The following ALG1L2 variants were observed in gnomAD, a reference collection of about 807,000 sequenced individuals.
The protein encoded by ALG1L2 is putative glycosyltransferase ALG1L2.
In ALG1L2, 32 loss-of-function variants were observed where a neutral mutation model predicts 29.0. The observed-to-expected ratio is 1.10, with a 90% CI of 0.83 to 1.48. The LOEUF (loss-of-function observed/expected upper bound fraction) is 1.48. Ranked by LOEUF, ALG1L2 falls within the 40% of genes most tolerant of loss-of-function variation. ALG1L2 has a pLI of 0.00. For synonymous variants in ALG1L2, 110 were observed against 109.5 expected, an observed-to-expected ratio of 1.00 and a Z score of -0.03; for missense variants, 318 against 274.1, an observed-to-expected ratio of 1.16 and a Z score of -1.13.
intron 2 of ALG1L2, 124 bp from the exon 3 acceptor site, chr3:130,091,977 C>G: frequency 2.7e-6 from 4 of 1,497,516 alleles, no homozygotes; most frequent in Admixed American, 2.0e-5. Context: ...TGGCCTGGTG[C>G]TGCTGATGCA....
intron 4 of ALG1L2, 153 bp from the exon 5 acceptor site, chr3:130,094,250 C>T: frequency 1.1e-6 from 1 of 943,218 alleles, no homozygotes; most frequent in Non-Finnish European, 1.6e-6. Context: ...TCCTGAGTTG[C>T]TTCTGGAAAG....
intron 2 of ALG1L2, 161 bp from the exon 3 acceptor site, chr3:130,091,940 G>A: frequency 8.5e-7 from 1 of 1,179,306 alleles, no homozygotes; most frequent in Non-Finnish European, 1.2e-6. Flanking sequence ...ATTAGAGAAA[G>A]CAAGCCCAGG....
At chr3:130,083,961 G>A (rs1466690814) in intron 1 of ALG1L2, among the ~76,000 whole-genome samples, 1 of 151,416 alleles carries the variant, frequency 6.6e-6, no homozygotes, top group Non-Finnish European at 1.5e-5. Context: ...TGGTGGTACT[G>A]TTGGCTGGGA....
At chr3:130,090,250 G>A (rs373686072) in intron 1 of ALG1L2, among the ~76,000 whole-genome samples, 48 of 152,408 alleles carry the variant, frequency 3.1e-4, no homozygotes, top group East Asian at 1.9e-3. Flanking sequence ...CAGCTACTCC[G>A]GAGGCTGAGG....
rs1162580639 is a variant in ALG1L2 at position 130,083,500 on chromosome 3, G to A, written c.20+1464G>A. Among the ~76,000 whole-genome samples, 5 of 129,698 alleles carry A rather than the reference G, an allele frequency of 3.9e-5. 1 individual carries two copies. The highest frequency in any genetic ancestry group is 8.9e-5 in the Non-Finnish European group (5 of 56,098). 85.1% of individuals were successfully genotyped at this position (129,698 alleles called of 152,430 possible). A position where few individuals can be genotyped will look rare whatever the true frequency, so the allele number is the denominator to read the frequency against. On this transcript the variant is annotated intron_variant, in intron 1 of 7. Coordinates refer to ENST00000425059, the MANE Select transcript of ALG1L2 (RefSeq NM_001136152.1). ...AACAGATGAATTAGTTTCCTGCAAC[G>A]TCTCACTGTTTCTGTGAGGCAAAAA...
rs749669970 is a variant in ALG1L2 at position 130,081,987 on chromosome 3, T to C, written c.-30T>C. On this transcript the variant is annotated 5_prime_UTR_variant, in exon 1 of 8. Coordinates refer to ENST00000425059, the MANE Select transcript of ALG1L2 (RefSeq NM_001136152.1). ...GCTGGAGAAATAAGCAGTTCCTTGC[T>C]AAGAAGTCTGAATTTTAACCTGAAG... is the stretch of plus-strand genomic sequence containing the variant. 6.8e-7 allele frequency: 1 copy of C among 1,470,412 alleles called. No individual in the cohort carries two copies. The highest frequency in any genetic ancestry group is 1.4e-5 in the African/African-American group (1 of 72,640). The allele number at this position is 1,470,412 out of a possible 1,614,324, so 91.1% of individuals were successfully genotyped here. A position where few individuals can be genotyped will look rare whatever the true frequency, so the allele number is the denominator to read the frequency against.
rs1266964090 is a variant in ALG1L2, at chr3:130,092,221, A to T, written c.252A>T (p.Thr84=). The change falls in exon 3 of 8, where the codon ACA becomes ACT. Residue 84 remains threonine (T), a splice_region_variant and synonymous_variant. Coordinates refer to ENST00000425059, the MANE Select transcript of ALG1L2 (RefSeq NM_001136152.1). ...PALLVSSTSW[T]EFEQLTLDGQ... ...TGCTGGTCAGCAGCACAAGCTGGAC[A>T]GGTCTGCATGACCACTGGGGCACTT... The T allele has an allele frequency of 6.2e-7, 1 of 1,609,910 alleles. No individual in the cohort carries two copies. Among genetic ancestry groups the T allele is most frequent in the Non-Finnish European group, 8.5e-7 (1 of 1,178,818 alleles).
At chr3:130,090,566 T>C (rs1934994157) in intron 1 of ALG1L2, 1 of 152,360 alleles carries the variant, frequency 6.6e-6, no homozygotes, top group African/African-American at 2.4e-5. Context: ...ATAATAATGA[T>C]CATCATAGTA....
chr3:130,085,206 C>T (rs13433716), intron 1 of ALG1L2, among the ~76,000 whole-genome samples: 1,566 of 139,378 alleles, frequency 0.011, 5 homozygotes, highest in African/African-American at 0.035. Flanking sequence ...GTGATCCACT[C>T]GCCTCGGCCT....
In ALG1L2 at chr3:130,092,166, T is replaced by TGGTGAC. The variant is rs1280439277; in HGVS notation, c.199_204dup (p.Val67_Thr68dup). ...ACGGAGCGGGATTCTGGGAGCGGGC[T>TGGTGAC]GGTGACGCGTCTCCACGAGCGGCCA... On this transcript the variant is annotated inframe_insertion, in exon 3 of 8. Transcript: ENST00000425059. The TGGTGAC allele has an allele frequency of 6.2e-7, 1 of 1,613,120 alleles. No homozygotes were observed. The highest frequency in any genetic ancestry group is 8.5e-7 in the Non-Finnish European group (1 of 1,179,758).
intron 5 of ALG1L2, among the ~76,000 whole-genome samples, chr3:130,094,981 C>T (rs950745148): frequency 2.6e-5 from 4 of 152,192 alleles, no homozygotes; most frequent in Non-Finnish European, 5.9e-5. Flanking sequence ...GCCACATCTT[C>T]CAGCTTCGAG....
At chr3:130,092,988 C>A in intron 3 of ALG1L2, 113 bp from the exon 4 acceptor site, 1 of 1,062,436 alleles carries the variant, frequency 9.4e-7, no homozygotes, top group Non-Finnish European at 1.3e-6. Context: ...TGAGATCATG[C>A]CATTGCATTC....
intron 1 of ALG1L2, among the ~76,000 whole-genome samples, chr3:130,087,364 T>C (rs1169143900): frequency 2.7e-5 from 4 of 147,882 alleles, no homozygotes; most frequent in Admixed American, 1.4e-4. Flanking sequence ...CCATGAAAGA[T>C]AAAGAAAAAC....
At chr3:130,097,537 G>A (rs556983863) in intron 7 of ALG1L2, among the ~76,000 whole-genome samples, 1 of 152,354 alleles carries the variant, frequency 6.6e-6, no homozygotes, top group East Asian at 1.9e-4. Context: ...TTTAGGAAGT[G>A]ATCAGGATCA....
chr3:130,096,102 C>T lies in ALG1L2; in HGVS notation c.478C>T (p.Pro160Ser), dbSNP rs756868431. Reference protein sequence around the residue: ...LDTSSSGLDLPMKVVDMFRCC... With the variant: ...LDTSSSGLDLSMKVVDMFRCC... ...CACGTCCTCCAGTGGCCTGGACCTG[C>T]CCATGAAGGTGGTGGACATGTTCAG... The change falls in exon 6 of 8, where the codon CCC becomes TCC. Residue 160 changes from proline to serine, a missense_variant. Transcript: ENST00000425059. 1.7e-4 allele frequency: 268 copies of T among 1,611,814 alleles called. No individual in the cohort carries two copies. Among genetic ancestry groups the T allele is most frequent in the Non-Finnish European group, 2.1e-4 (244 of 1,179,828 alleles).
intron 1 of ALG1L2, among the ~76,000 whole-genome samples, chr3:130,084,079 T>A (rs951357692): frequency 4.6e-5 from 7 of 150,612 alleles, no homozygotes; most frequent in African/African-American, 1.7e-4. Context: ...CGAGCAGCAA[T>A]TCATCAGCAC....
rs756601914 is a variant in ALG1L2 at position 130,093,136 on chromosome 3, C to A, written c.289C>A (p.Pro97Thr). 6.2e-7 allele frequency: 1 copy of A among 1,611,026 alleles called. No homozygotes were observed. The highest frequency in any genetic ancestry group is 1.1e-5 in the South Asian group (1 of 90,932). ...EQLTLDGQNL[P>T]SLVCVITGKG... ...ACTGACTCTTGACGGACAGAACCTT[C>A]CTTCTCTCGTCTGTGTGATAACAGG... The change falls in exon 4 of 8, where the codon CCT (proline) becomes ACT (threonine). Residue 97 changes from proline (P) to threonine (T), a missense_variant. Coordinates refer to ENST00000425059, the MANE Select transcript of ALG1L2 (RefSeq NM_001136152.1).
rs1440394726 is a variant in ALG1L2, at chr3:130,083,517, A to C, written c.20+1481A>C. Among the ~76,000 whole-genome samples the C allele has an allele frequency of 1.5e-5, 2 of 130,536 alleles. 1 individual carries two copies. The highest frequency in any genetic ancestry group is 3.5e-5 in the Non-Finnish European group (2 of 56,428). 85.6% of individuals were successfully genotyped at this position (130,536 alleles called of 152,430 possible). On this transcript the variant is annotated intron_variant, in intron 1 of 7. Transcript: ENST00000425059. The stretch of plus-strand genomic sequence containing the variant: ...CCTGCAACGTCTCACTGTTTCTGTG[A>C]GGCAAAAAAATGCCACATACAAAGT...
intron 1 of ALG1L2, among the ~76,000 whole-genome samples, chr3:130,089,792 GC>G (rs1934972662): frequency 6.6e-6 from 1 of 152,420 alleles, no homozygotes; most frequent in South Asian, 2.1e-4. Flanking sequence ...TGTAATCTCA[GC>G]ATTTTGGGAG....
Sources: allele counts gnomAD v4.1 joint callset (sites outside exome capture counted in the v4.1 genomes callset), GRCh38; gene constraint gnomAD v4.1.1; transcripts MANE v1.5; gene names NCBI Gene and HGNC (gene_info 2026-07-23, HGNC 2026-07-21).